COMMD10: variants seen among roughly 807,000 people sequenced by gnomAD.
COMMD10 encodes the protein COMM domain-containing protein 10.
In COMMD10, 33 loss-of-function variants were observed where a neutral mutation model predicts 28.9. That is an observed-to-expected ratio of 1.14 (90% CI 0.87 to 1.53). COMMD10 has a LOEUF of 1.53. COMMD10 is among the 40% of genes most tolerant of loss of function. The pLI, the probability that COMMD10 is intolerant of heterozygous loss-of-function variation, is 0.00. For missense variants in COMMD10, 310 were observed against 233.4 expected, an observed-to-expected ratio of 1.33 and a Z score of -2.14; for synonymous variants, 110 against 81.7, an observed-to-expected ratio of 1.35 and a Z score of -1.87.
intron 4 of COMMD10, among the ~76,000 whole-genome samples, chr5:116,114,313 C>G (rs1217201703): frequency 6.6e-6 from 1 of 151,984 alleles, no homozygotes; most frequent in Non-Finnish European, 1.5e-5. Flanking sequence ...AGTGAGTGGG[C>G]TCATGAGCTC....
intron 4 of COMMD10, among the ~76,000 whole-genome samples, chr5:116,120,255 GA>G (rs1427410337): frequency 6.6e-6 from 1 of 152,140 alleles, no homozygotes; most frequent in South Asian, 2.1e-4. Flanking sequence ...TTCAGGAATG[GA>G]AAACCAAATA....
At chr5:116,256,711 AT>A (rs1170481563) in intron 5 of COMMD10, among the ~76,000 whole-genome samples, 1 of 151,836 alleles carries the variant, frequency 6.6e-6, no homozygotes, top group Non-Finnish European at 1.5e-5. Flanking sequence ...ACGTGAATTC[AT>A]TTATTTTTTA....
chr5:116,118,663 A>T (rs1751322986), intron 4 of COMMD10, among the ~76,000 whole-genome samples: 1 of 152,078 alleles, frequency 6.6e-6, no homozygotes, highest in Non-Finnish European at 1.5e-5. Context: ...TTGCTAGAGT[A>T]CTAGATTCTA....
chr5:116,101,029 T>A (rs1433944228), intron 4 of COMMD10, among the ~76,000 whole-genome samples: 1 of 152,230 alleles, frequency 6.6e-6, no homozygotes, highest in African/African-American at 2.4e-5. Context: ...TCACTTAAGA[T>A]AATGGCCTCC....
At chr5:116,244,361 T>A (rs1339954568) in intron 5 of COMMD10, among the ~76,000 whole-genome samples, 1 of 152,108 alleles carries the variant, frequency 6.6e-6, no homozygotes, top group Non-Finnish European at 1.5e-5. Flanking sequence ...ATGTAGAACA[T>A]AAATTCATGT....
chr5:116,267,595 CTACTT>C (rs1361147833), intron 5 of COMMD10, among the ~76,000 whole-genome samples: 13 of 152,006 alleles, frequency 8.6e-5, no homozygotes, highest in African/African-American at 2.9e-4. Flanking sequence ...TTGGAAAAAA[CTACTT>C]TAAAGTTCAT....
At chr5:116,236,143 C>G (rs1376601447) in intron 5 of COMMD10, among the ~76,000 whole-genome samples, 1 of 152,008 alleles carries the variant, frequency 6.6e-6, no homozygotes, top group Non-Finnish European at 1.5e-5. Context: ...TGGAAGCATC[C>G]AAGATGTCTT....
intron 5 of COMMD10, among the ~76,000 whole-genome samples, chr5:116,254,314 C>T (rs375598124): frequency 2.6e-5 from 4 of 151,942 alleles, no homozygotes; most frequent in Non-Finnish European, 4.4e-5. Flanking sequence ...CTGCTCTGAT[C>T]TTAGTTATTT....
chr5:116,118,506 G>A, intron 4 of COMMD10, among the ~76,000 whole-genome samples: 1 of 51,452 alleles, frequency 1.9e-5, no homozygotes, highest in African/African-American at 7.3e-5. Flanking sequence ...CTTATGAAGA[G>A]GGATATTTTT....
rs191165567 is a variant in COMMD10 at position 116,131,792 on chromosome 5, A to G, written c.400-2276A>G. On this transcript the variant is annotated intron_variant, in intron 4 of 6. Coordinates refer to ENST00000274458, the MANE Select transcript of COMMD10 (RefSeq NM_016144.4). ...AAGATGCAGAGTGCTGAGGGAACAG[A>G]GTAGCAGACTACAGAGGGAAGGGAA... 1.9e-3 allele frequency among the ~76,000 whole-genome samples: 289 copies of G among 152,156 alleles called. 3 individuals are homozygous for G. The highest frequency in any genetic ancestry group is 6.6e-3 in the African/African-American group (274 of 41,538).
At chr5:116,230,444 T>G (rs531873835) in intron 5 of COMMD10, among the ~76,000 whole-genome samples, 2 of 152,202 alleles carry the variant, frequency 1.3e-5, no homozygotes, top group South Asian at 4.1e-4. Context: ...CTGGCTTCTT[T>G]GCATTATAAC....
At chr5:116,208,012 G>A (rs766632289) in intron 5 of COMMD10, among the ~76,000 whole-genome samples, 58 of 152,126 alleles carry the variant, frequency 3.8e-4, no homozygotes, top group Non-Finnish European at 6.9e-4. Flanking sequence ...ATGGGCTCCT[G>A]AATTGCAATG....
intron 5 of COMMD10, among the ~76,000 whole-genome samples, chr5:116,174,630 A>G (rs1419470383): frequency 6.6e-6 from 1 of 152,036 alleles, no homozygotes; most frequent in Non-Finnish European, 1.5e-5. Context: ...TGAAGGGAAT[A>G]TGGTAGGATT....
intron 5 of COMMD10, among the ~76,000 whole-genome samples, chr5:116,200,455 G>A (rs1268529199): frequency 2.0e-5 from 3 of 151,772 alleles, no homozygotes; most frequent in African/African-American, 7.3e-5. Context: ...CTGGATCTAT[G>A]GTTTCGTATC....
rs138765945 is a variant in COMMD10 at position 116,095,554 on chromosome 5, C to T, written c.399+2854C>T. 1.9e-3 allele frequency among the ~76,000 whole-genome samples: 290 copies of T among 152,162 alleles called. 2 individuals are homozygous for T. The highest frequency in any genetic ancestry group is 6.6e-3 in the African/African-American group (273 of 41,540). Reference sequence around the variant, plus strand: ...TCCTCTGTGAGATATATGATTTGCACGTATTTTCTCCTAATCTGTAGCTTT... The same window carrying T: ...TCCTCTGTGAGATATATGATTTGCATGTATTTTCTCCTAATCTGTAGCTTT... On this transcript the variant is annotated intron_variant, in intron 4 of 6. Coordinates refer to ENST00000274458, the MANE Select transcript of COMMD10 (RefSeq NM_016144.4).
chr5:116,264,397 C>A (rs1241905296), intron 5 of COMMD10, among the ~76,000 whole-genome samples: 1 of 151,796 alleles, frequency 6.6e-6, no homozygotes, highest in African/African-American at 2.4e-5. Context: ...ATCAGGATAT[C>A]CCTTCACTAA....
chr5:116,160,790 T>G (rs144470921), intron 5 of COMMD10, among the ~76,000 whole-genome samples: 1 of 152,110 alleles, frequency 6.6e-6, no homozygotes, highest in East Asian at 1.9e-4. Flanking sequence ...GTAATGAAAG[T>G]AGGAAGAGGA....
Position 116,217,158 on chromosome 5 carries a change from A to G in COMMD10, c.511-74359A>G, listed in dbSNP as rs12521682. On this transcript the variant is annotated intron_variant, in intron 5 of 6. Transcript: ENST00000274458. Reference sequence around the variant, plus strand: ...CAAACAAGTATGAAGAAGAAAAAAAAAAGTCCCCGCAATCCCACTGTGCAA... The same window carrying G: ...CAAACAAGTATGAAGAAGAAAAAAAGAAGTCCCCGCAATCCCACTGTGCAA... 5.6e-3 allele frequency among the ~76,000 whole-genome samples: 858 copies of G among 152,050 alleles called. 36 individuals are homozygous for G. The highest frequency in any genetic ancestry group is 0.038 in the East Asian group (197 of 5,176).
chr5:116,223,471 T>C (rs1216087118), intron 5 of COMMD10, among the ~76,000 whole-genome samples: 6 of 152,166 alleles, frequency 3.9e-5, no homozygotes, highest in Non-Finnish European at 8.8e-5. Context: ...TCTGGGAATA[T>C]ATTTCCACAC....
Sources: gnomAD v4.1 joint callset for allele counts (sites outside exome capture counted in the v4.1 genomes callset) on GRCh38, gnomAD v4.1.1 for gene constraint, MANE v1.5 for transcripts, NCBI Gene and HGNC (gene_info 2026-07-23, HGNC 2026-07-21) for gene names.